ALB: variants seen among roughly 807,000 people sequenced by gnomAD.
The protein encoded by ALB is albumin.
Under a neutral mutation model 74.5 loss-of-function variants are expected in ALB, and 37 were observed. The observed-to-expected ratio is 0.50, with a 90% CI of 0.38 to 0.65. The LOEUF (loss-of-function observed/expected upper bound fraction) is 0.65, where lower values mean the gene tolerates loss of function less well. Ranked by LOEUF, ALB falls within the 30% of genes least tolerant of loss-of-function variation. The probability of loss-of-function intolerance (pLI) is 0.00; values close to 1 mark genes in which losing one functional copy is unlikely to be tolerated. For synonymous variants in ALB, 249 were observed against 251.6 expected (o/e 0.99, Z 0.10); for missense variants, 685 against 718.7 (o/e 0.95, Z 0.54).
intron 10 of ALB, 80 bp from the exon 11 acceptor site, chr4:73,417,451 C>T (rs1719040098): frequency 6.5e-6 from 10 of 1,531,766 alleles, no homozygotes; most frequent in Non-Finnish European, 9.0e-6. Context: ...TTAGTTGATT[C>T]CGGCCAAGTG....
At chr4:73,410,479 A>G in intron 6 of ALB, 70 bp downstream of exon 6, 3 of 1,219,134 alleles carry the variant, frequency 2.5e-6, no homozygotes, top group East Asian at 4.7e-5. Context: ...GACAAATTGT[A>G]CATTTTTATG....
At position 73,409,162 on chromosome 4, in the gene ALB, C is replaced by G. The variant is rs1718805529; in HGVS notation, c.483-193C>G. 7.5e-6 allele frequency: 5 copies of G among 665,362 alleles called. No homozygotes were observed. In the Admixed American group the frequency reaches 8.6e-5, roughly 11 times the overall value. 41.2% of individuals were successfully genotyped at this position (665,362 alleles called of 1,614,324 possible). On this transcript the variant is annotated intron_variant, in intron 4 of 14. Transcript: ENST00000295897. ...AACCATTTATGCACACACACACACA[C>G]ACACACACACTTAACCCTTTTTTCC... is the stretch of plus-strand genomic sequence containing the variant.
At chr4:73,408,464 G>C (rs1256147145) in intron 3 of ALB, 130 bp from the exon 4 acceptor site, 2 of 781,756 alleles carry the variant, frequency 2.6e-6, no homozygotes, top group Non-Finnish European at 4.2e-6. Context: ...ACCTCGATTG[G>C]GAGGGGAAGC....
chr4:73,419,222 TGAAAA>T (rs1009055568), intron 12 of ALB: 1 of 311,478 alleles, frequency 3.2e-6, no homozygotes, highest in Non-Finnish European at 6.0e-6. Context: ...AGAGATTTAC[TGAAAA>T]GAAATTTGTT....
In ALB at chr4:73,413,497, G is replaced by A. The variant is rs779050269; in HGVS notation, c.921G>A (p.Leu307=). The change falls in exon 8 of 15, where the codon CTG becomes CTA. Residue 307 remains leucine (L), a synonymous_variant. Coordinates refer to ENST00000295897, the MANE Select transcript of ALB (RefSeq NM_000477.7). ...TGAAGGAATGCTGTGAAAAACCTCT[G>A]TTGGAAAAATCCCACTGCATTGCCG... The part of the protein sequence containing the change: ...SKLKECCEKP[L]LEKSHCIAEV... The A allele has an allele frequency of 6.2e-7, 1 of 1,614,156 alleles. No individual in the cohort carries two copies. The highest frequency in any genetic ancestry group is 1.7e-5 in the Admixed American group (1 of 60,020).
Position 73,418,123 on chromosome 4 carries a change from T to A in ALB, c.1464T>A (p.His488Gln), listed in dbSNP as rs140110916. ...SVVLNQLCVL[H>Q]EKTPVSDRVT... ...TCCTGAACCAGTTATGTGTGTTGCA[T>A]GAGAAAACGCCAGTAAGTGACAGAG... Residue 488 changes from histidine (H) to glutamine (Q), a missense_variant, in exon 12 of 15, where the codon CAT becomes CAA. His to Gln is a conservative substitution (Grantham distance 24). Coordinates refer to ENST00000295897, the MANE Select transcript of ALB (RefSeq NM_000477.7). 61 of 1,613,794 alleles carry A rather than the reference T, an allele frequency of 3.8e-5. No homozygotes were observed. The highest frequency in any genetic ancestry group is 8.3e-5 in the Admixed American group (5 of 59,996).
rs1433560108 is a variant in ALB at position 73,417,278 on chromosome 4, AAT to A, written c.1290-252_1290-251del. 1.8e-4 allele frequency among the ~76,000 whole-genome samples: 28 copies of A among 152,346 alleles called. No individual in the cohort carries two copies. In the East Asian group the frequency reaches 5.0e-3, roughly 27 times the overall value. On this transcript the variant is annotated intron_variant, in intron 10 of 14. Transcript: ENST00000295897. ...GAAAGAAGAAATTAATAAATTTATTAATGTCACTGAATTAGGCAACTCACTTT... is the reference window on the plus strand; with the variant it reads ...GAAAGAAGAAATTAATAAATTTATTAGTCACTGAATTAGGCAACTCACTTT...
chr4:73,421,182 A>G lies in ALB; in HGVS notation c.*114A>G. ...TTGGTGTAAAGCCAACACCCTGTCT[A>G]AAAAACATAAATTTCTTTAATCATT... On this transcript the variant is annotated 3_prime_UTR_variant, in exon 15 of 15. Coordinates refer to ENST00000295897, the MANE Select transcript of ALB (RefSeq NM_000477.7). The G allele has an allele frequency of 3.0e-6, 2 of 657,248 alleles. No individual in the cohort carries two copies. Among genetic ancestry groups the G allele is most frequent in the South Asian group, 3.4e-5 (2 of 59,364 alleles). The allele number at this position is 657,248 out of a possible 1,614,324, so 40.7% of individuals were successfully genotyped here.
intron 6 of ALB, 47 bp from the exon 7 acceptor site, chr4:73,411,949 A>G: frequency 1.2e-6 from 2 of 1,611,630 alleles, no homozygotes; most frequent in Non-Finnish European, 1.7e-6. Flanking sequence ...GTTTTCATAT[A>G]AAATATCGCA....
At chr4:73,416,752 A>G (rs1047605499) in intron 10 of ALB, among the ~76,000 whole-genome samples, 7 of 152,228 alleles carry the variant, frequency 4.6e-5, no homozygotes, top group Non-Finnish European at 8.8e-5. Context: ...CAAAAATGTA[A>G]CAAATGAATT....
At chr4:73,419,744 G>T in intron 13 of ALB, 105 bp downstream of exon 13, 1 of 1,339,854 alleles carries the variant, frequency 7.5e-7, no homozygotes. Context: ...TGTACATGTG[G>T]GACAGGGATC....
chr4:73,406,897 G>A (rs1463562228), intron 3 of ALB, 136 bp downstream of exon 3: 8 of 974,396 alleles, frequency 8.2e-6, no homozygotes, highest in Non-Finnish European at 1.2e-5. Context: ...GTTGCTCATA[G>A]ACTGATAAGC....
intron 3 of ALB, among the ~76,000 whole-genome samples, chr4:73,407,270 C>T (rs1338949559): frequency 2.0e-5 from 3 of 152,060 alleles, no homozygotes; most frequent in African/African-American, 7.2e-5. Flanking sequence ...TCGTTTCGTC[C>T]TCCCCCAGCC....
chr4:73,415,247 A>C, intron 9 of ALB, 80 bp downstream of exon 9: 1 of 1,510,280 alleles, frequency 6.6e-7, no homozygotes, highest in South Asian at 1.1e-5. Flanking sequence ...GCAAGAATGT[A>C]AAATGATATA....
Position 73,409,392 on chromosome 4 carries a change from T to G in ALB, c.520T>G (p.Tyr174Asp), listed in dbSNP as rs1308945228. ...AATTGCCAGAAGACATCCTTACTTT[T>G]ATGCCCCGGAACTCCTTTTCTTTGC... ...YEIARRHPYF[Y>D]APELLFFAKR... is the part of the protein sequence containing the mutation. The change falls in exon 5 of 15, where the codon TAT becomes GAT. Residue 174 changes from tyrosine to aspartate, a missense_variant. By Grantham distance (160) the Tyr-to-Asp change is radical (BLOSUM62 -3). Transcript: ENST00000295897. 1 of 1,614,020 alleles carries G rather than the reference T, an allele frequency of 6.2e-7. No individual in the cohort carries two copies.
intron 9 of ALB, 125 bp downstream of exon 9, chr4:73,415,292 A>T (rs1718986087): frequency 1.7e-6 from 2 of 1,203,302 alleles, no homozygotes; most frequent in African/African-American, 3.0e-5. Context: ...AGATGGTTTC[A>T]ATTCTGGAAT....
At chr4:73,416,375 A>AT (rs35807836) in intron 10 of ALB, 22 bp downstream of exon 10, 504,209 of 1,519,630 alleles carry the variant, frequency 0.33, 87,214 homozygotes, top group East Asian at 0.39. Flanking sequence ...TTATTGACTG[A>AT]TTTTTTTTAT....
At position 73,409,475 on chromosome 4, in the gene ALB, C is replaced by T. The variant is rs1334128910; in HGVS notation, c.603C>T (p.Cys201=). The T allele has an allele frequency of 4.3e-6, 7 of 1,613,750 alleles. No homozygotes were observed. The highest frequency in any genetic ancestry group is 5.9e-6 in the Non-Finnish European group (7 of 1,179,848). ...GCCAAGCTGCTGATAAAGCTGCCTG[C>T]CTGTTGCCAAAGGTATTATGCAAAA... ...ECCQAADKAA[C]LLPKLDELRD... The change falls in exon 5 of 15, where the codon TGC becomes TGT. Residue 201 remains cysteine, a synonymous_variant. Transcript: ENST00000295897.
chr4:73,418,378 C>A (rs1719070836), intron 12 of ALB, 67 bp downstream of exon 12: 1 of 1,397,060 alleles, frequency 7.2e-7, no homozygotes, highest in Non-Finnish European at 1.0e-6. Flanking sequence ...TTCAAGCTAG[C>A]AACTTTTTCC....
Sources: gnomAD v4.1 joint callset for allele counts (sites outside exome capture counted in the v4.1 genomes callset) on GRCh38, gnomAD v4.1.1 for gene constraint, MANE v1.5 for transcripts, NCBI Gene and HGNC (gene_info 2026-07-23, HGNC 2026-07-21) for gene names.